AMD1: variants seen among roughly 807,000 people sequenced by gnomAD.
The protein encoded by AMD1 is S-adenosylmethionine decarboxylase proenzyme.
In AMD1, 11 loss-of-function variants were observed where a neutral mutation model predicts 40.2. The observed-to-expected ratio is 0.27, with a 90% CI of 0.17 to 0.45. The LOEUF (loss-of-function observed/expected upper bound fraction) is 0.45. Among genes scored for constraint, AMD1 ranks in the 20% least tolerant of loss-of-function variants. The pLI is 1.00. For missense variants in AMD1, 257 were observed against 410.2 expected (o/e 0.63, Z 3.23); for synonymous variants, 121 against 130.8 (o/e 0.93, Z 0.51).
chr6:110,865,519 G>A, the AMD1 span, among the ~76,000 whole-genome samples: 3 of 151,964 alleles, frequency 2.0e-5, no homozygotes, highest in African/African-American at 2.4e-5. Flanking sequence ...TCAGCCTCCC[G>A]AGTAGCTCGG....
the AMD1 span, among the ~76,000 whole-genome samples, chr6:110,850,480 TCTC>T: frequency 1.9e-3 from 293 of 152,290 alleles, 1 homozygote; most frequent in African/African-American, 6.8e-3. Flanking sequence ...GGATGCCTGT[TCTC>T]CTGAAGACCC....
chr6:110,821,244 A>G, the AMD1 span, among the ~76,000 whole-genome samples: 1 of 152,192 alleles, frequency 6.6e-6, no homozygotes, highest in African/African-American at 2.4e-5. Context: ...CCAAAGTGCC[A>G]TATTTTGGAG....
At chr6:110,874,652 GCCAGCCGCCA>G (rs1784996435), upstream of AMD1, 1 of 154,826 alleles carries the variant, frequency 6.5e-6, no homozygotes, top group Non-Finnish European at 1.4e-5. Context: ...CCCTCGGCCA[GCCAGCCGCCA>G]CTCGGCCGCG....
chr6:110,875,660 C>T (rs906380191), intron 1 of AMD1: 1 of 155,322 alleles, frequency 6.4e-6, no homozygotes. Flanking sequence ...CTAATTCGGG[C>T]GTGCCGGCTT....
chr6:110,828,898 G>A, the AMD1 span, among the ~76,000 whole-genome samples: 2,965 of 152,262 alleles, frequency 0.019, 102 homozygotes, highest in African/African-American at 0.068. Flanking sequence ...CTGGCTGGGC[G>A]CGGTGGTTCA....
chr6:110,815,433 G>C, the AMD1 span: 1 of 264,448 alleles, frequency 3.8e-6, no homozygotes, highest in East Asian at 7.7e-5. Flanking sequence ...CTGGTGGGCC[G>C]CGCCGTGGCT....
upstream of AMD1, among the ~76,000 whole-genome samples, chr6:110,872,488 A>G (rs1256090670): frequency 6.6e-6 from 1 of 152,212 alleles, no homozygotes; most frequent in African/African-American, 2.4e-5. Flanking sequence ...TCTGGGGGAA[A>G]GATGGTCACT....
chr6:110,887,603 A>G lies in AMD1; in HGVS notation c.197+12A>G, dbSNP rs1184039839. ...GCTTATGTACTCAGGTAAGTCCTGT[A>G]AAACAAGTGTTAGGTAGCTAATTTC... On this transcript the variant is annotated intron_variant, in intron 2 of 8. Coordinates refer to ENST00000368885, the MANE Select transcript of AMD1 (RefSeq NM_001634.6). 5.1e-6 allele frequency: 8 copies of G among 1,580,318 alleles called. No homozygotes were observed. The highest frequency in any genetic ancestry group is 6.9e-6 in the Non-Finnish European group (8 of 1,162,656).
chr6:110,880,121 A>G (rs963081584), intron 1 of AMD1, among the ~76,000 whole-genome samples: 1 of 152,068 alleles, frequency 6.6e-6, no homozygotes, highest in Non-Finnish European at 1.5e-5. Context: ...ATGCCTGGCT[A>G]ATTTTTGTAT....
chr6:110,815,186 G>A, the AMD1 span: 2 of 1,528,078 alleles, frequency 1.3e-6, no homozygotes, highest in African/African-American at 1.4e-5. Flanking sequence ...CCGCCGCTCA[G>A]TCCCTCCTCC....
chr6:110,858,676 C>G, the AMD1 span: 1 of 1,036,436 alleles, frequency 9.6e-7, no homozygotes, highest in Non-Finnish European at 1.5e-6. Context: ...GCCTTAAGTA[C>G]TCGGAGAAGC....
intron 1 of AMD1, among the ~76,000 whole-genome samples, chr6:110,875,990 C>T (rs895539537): frequency 2.0e-5 from 3 of 152,180 alleles, no homozygotes; most frequent in East Asian, 3.9e-4. Flanking sequence ...GTTGTGTAAC[C>T]TGCTACGGAG....
At chr6:110,826,549 T>A in the AMD1 span, among the ~76,000 whole-genome samples, 1 of 152,114 alleles carries the variant, frequency 6.6e-6, no homozygotes, top group African/African-American at 2.4e-5. Context: ...GGAGAATCCT[T>A]CTGTGCAGAT....
intron 4 of AMD1, 131 bp from the exon 5 acceptor site, chr6:110,892,030 C>T: frequency 9.1e-7 from 1 of 1,093,088 alleles, no homozygotes; most frequent in Non-Finnish European, 1.4e-6. Flanking sequence ...GCTACTATGC[C>T]CAGTCCACTG....
At chr6:110,815,786 A>G in the AMD1 span, 6 of 152,468 alleles carry the variant, frequency 3.9e-5, no homozygotes, top group Non-Finnish European at 8.8e-5. Context: ...CGCAGAGAGT[A>G]TGGAAAGCAT....
In AMD1 at chr6:110,895,010, T is replaced by C. The variant is rs1427191251; in HGVS notation, c.*1394T>C. On this transcript the variant is annotated 3_prime_UTR_variant, in exon 9 of 9. Transcript: ENST00000368885. ...ATACTCAATGGGAAATGACTAGTAA[T>C]ATAGGCTTTCAAGAGTTGGTACCTT... The C allele has an allele frequency of 5.3e-5, 8 of 152,346 alleles. No homozygotes were observed. In the East Asian group the frequency reaches 1.2e-3, roughly 22 times the overall value. The allele number at this position is 152,346 out of a possible 1,614,324, so 9.4% of individuals were successfully genotyped here. A position where few individuals can be genotyped will look rare whatever the true frequency, so the allele number is the denominator to read the frequency against.
chr6:110,816,835 G>C, the AMD1 span, among the ~76,000 whole-genome samples: 1 of 152,164 alleles, frequency 6.6e-6, no homozygotes, highest in East Asian at 1.9e-4. Context: ...GGATCCTCCT[G>C]CCTCAGACTC....
the AMD1 span, among the ~76,000 whole-genome samples, chr6:110,855,754 C>G: frequency 6.6e-6 from 1 of 152,002 alleles, no homozygotes; most frequent in Non-Finnish European, 1.5e-5. Flanking sequence ...TCTTTGGTTA[C>G]AAGTAAAAGA....
rs1342260374 is a variant in AMD1 at position 110,895,186 on chromosome 6, A to G, written c.*1570A>G. 1 of 152,164 alleles carries G rather than the reference A, an allele frequency of 6.6e-6. No individual in the cohort carries two copies. Among genetic ancestry groups the G allele is most frequent in the Admixed American group, 6.5e-5 (1 of 15,272 alleles). 9.4% of individuals were successfully genotyped at this position (152,164 alleles called of 1,614,324 possible). On this transcript the variant is annotated 3_prime_UTR_variant, in exon 9 of 9. Coordinates refer to ENST00000368885, the MANE Select transcript of AMD1 (RefSeq NM_001634.6). ...TTCCTTCCGTATTTATAAATGAAAC[A>G]CCTTTTTTTAGTGTTTCTAAACCTA...
Sources: allele counts gnomAD v4.1 joint callset (sites outside exome capture counted in the v4.1 genomes callset), GRCh38; gene constraint gnomAD v4.1.1; transcripts MANE v1.5; gene names NCBI Gene and HGNC (gene_info 2026-07-23, HGNC 2026-07-21).